RGS9: variants seen among roughly 807,000 people sequenced by gnomAD.
RGS9 encodes the protein regulator of G-protein signalling 9.
Under a neutral mutation model 102.0 loss-of-function variants are expected in RGS9, and 78 were observed. The ratio of observed to expected loss-of-function variants is 0.76; its 90% CI spans 0.64 to 0.92. RGS9 has a LOEUF of 0.92. Ranked by LOEUF, RGS9 falls within the 40% of genes least tolerant of loss-of-function variation. RGS9 has a pLI of 0.00. For missense variants in RGS9, 833 were observed against 866.1 expected, an observed-to-expected ratio of 0.96 and a Z score of 0.48; for synonymous variants, 353 against 318.6, an observed-to-expected ratio of 1.11 and a Z score of -1.15.
intron 2 of RGS9, among the ~76,000 whole-genome samples, chr17:65,157,721 C>T (rs2143986392): frequency 6.6e-6 from 1 of 152,184 alleles, no homozygotes; most frequent in African/African-American, 2.4e-5. Flanking sequence ...AGTACCTTCA[C>T]AATGTCATGG....
chr17:65,221,874 C>G (rs889577988), intron 17 of RGS9, among the ~76,000 whole-genome samples: 2 of 152,174 alleles, frequency 1.3e-5, no homozygotes, highest in Non-Finnish European at 2.9e-5. Context: ...AGGGCTCTGC[C>G]CTCATGACTA....
At chr17:65,174,714 G>A (rs554739504) in intron 8 of RGS9, among the ~76,000 whole-genome samples, 1 of 152,212 alleles carries the variant, frequency 6.6e-6, no homozygotes, top group African/African-American at 2.4e-5. Flanking sequence ...GCATGTTTTT[G>A]TGTATTCATT....
intron 17 of RGS9, among the ~76,000 whole-genome samples, chr17:65,224,334 C>T (rs887418891): frequency 4.6e-5 from 7 of 152,208 alleles, no homozygotes; most frequent in African/African-American, 1.7e-4. Context: ...CACCTCCTCG[C>T]CATGTATTCC....
chr17:65,167,201 AT>A (rs1163137402), intron 7 of RGS9, among the ~76,000 whole-genome samples: 2 of 152,000 alleles, frequency 1.3e-5, no homozygotes, highest in Non-Finnish European at 2.9e-5. Flanking sequence ...GCCCTTTTTT[AT>A]TTATTTATTT....
chr17:65,209,537 C>T (rs184594282), intron 16 of RGS9, among the ~76,000 whole-genome samples: 4 of 152,334 alleles, frequency 2.6e-5, no homozygotes, highest in East Asian at 3.9e-4. Context: ...GCTCACTGCC[C>T]ACTACATCAC....
At chr17:65,219,226 C>T (rs900794198) in intron 17 of RGS9, among the ~76,000 whole-genome samples, 6 of 152,228 alleles carry the variant, frequency 3.9e-5, no homozygotes, top group Admixed American at 2.0e-4. Context: ...GCACCTCCCT[C>T]TCCCCAACAT....
rs761349247 is a variant in RGS9 at position 65,193,588 on chromosome 17, G to A, written c.792G>A (p.Met264Ile). ...SEQFSSNDAIMSGCLPSNPWI... is the reference protein window; with the variant it reads ...SEQFSSNDAIISGCLPSNPWI... ...AGTTCTCATCCAACGATGCCATCATGTCAGGCTGCCTCCCCAGCAACCCCT... is the reference window on the plus strand; with the variant it reads ...AGTTCTCATCCAACGATGCCATCATATCAGGCTGCCTCCCCAGCAACCCCT... Residue 264 changes from methionine to isoleucine, a missense_variant, in exon 12 of 19, where the codon ATG (methionine) becomes ATA (isoleucine). Met to Ile is a conservative substitution (Grantham distance 10). Around this residue, in one of 3 missense-constraint regions of RGS9, gnomAD observed 328 missense variants for 340.6 expected, o/e 0.96. Transcript: ENST00000262406. 1.2e-6 allele frequency: 2 copies of A among 1,614,086 alleles called. No individual in the cohort carries two copies. Among genetic ancestry groups the A allele is most frequent in the Non-Finnish European group, 1.7e-6 (2 of 1,179,932 alleles).
chr17:65,227,664 C>T lies in RGS9; in HGVS notation c.*257C>T, dbSNP rs1179414012. The T allele has an allele frequency of 3.8e-6, 2 of 533,238 alleles. No individual in the cohort carries two copies. Among genetic ancestry groups the T allele is most frequent in the African/African-American group, 1.9e-5 (1 of 52,514 alleles). 33.0% of individuals were successfully genotyped at this position (533,238 alleles called of 1,614,324 possible). A position where few individuals can be genotyped will look rare whatever the true frequency, so the allele number is the denominator to read the frequency against. On this transcript the variant is annotated 3_prime_UTR_variant, in exon 19 of 19. Coordinates refer to ENST00000262406, the MANE Select transcript of RGS9 (RefSeq NM_003835.4). ...GTGGACCAGAAGACTTTCCCTGCTG[C>T]CTTAAAACCAATAAAAGGTTAACTT...
At chr17:65,212,343 A>T (rs1913336849) in intron 17 of RGS9, among the ~76,000 whole-genome samples, 1 of 152,250 alleles carries the variant, frequency 6.6e-6, no homozygotes, top group Admixed American at 6.5e-5. Flanking sequence ...ATGCCTGCCC[A>T]AGGATTATAA....
At position 65,163,063 on chromosome 17, in the gene RGS9, C is replaced by A. The variant is rs748026643; in HGVS notation, c.474C>A (p.Val158=). ...AAATGAACTATAAGTGGGACTTTGT[C>A]ATTATGCAGGCCAAAGAGCAGTACA... is the stretch of plus-strand genomic sequence containing the variant. ...NQKMNYKWDF[V]IMQAKEQYRA... The change falls in exon 7 of 19, where the codon GTC becomes GTA. Residue 158 remains valine (V), a synonymous_variant. Transcript: ENST00000262406. The A allele has an allele frequency of 5.6e-6, 9 of 1,604,984 alleles. No individual in the cohort carries two copies. The highest frequency in any genetic ancestry group is 7.7e-6 in the Non-Finnish European group (9 of 1,172,636).
chr17:65,170,595 G>C (rs1911377360), intron 8 of RGS9, among the ~76,000 whole-genome samples: 1 of 152,158 alleles, frequency 6.6e-6, no homozygotes, highest in Admixed American at 6.5e-5. Flanking sequence ...GTACAGTTCA[G>C]TCCTTTGGTA....
At chr17:65,221,724 G>C (rs992431929) in intron 17 of RGS9, among the ~76,000 whole-genome samples, 1 of 152,196 alleles carries the variant, frequency 6.6e-6, no homozygotes, top group African/African-American at 2.4e-5. Flanking sequence ...GTCCACGATG[G>C]AGGCCCCAAC....
Position 65,191,950 on chromosome 17 carries a change from C to T in RGS9, c.747-1593C>T, listed in dbSNP as rs59911976. Among the ~76,000 whole-genome samples the T allele has an allele frequency of 4.3e-3, 659 of 152,292 alleles. 3 individuals are homozygous for T. The highest frequency in any genetic ancestry group is 0.015 in the African/African-American group (620 of 41,548). ...TCAGGGCAGGTGCATTTCACATTCA[C>T]TGTGGACACAATTCCCCACCTACGG... On this transcript the variant is annotated intron_variant, in intron 11 of 18. Coordinates refer to ENST00000262406, the MANE Select transcript of RGS9 (RefSeq NM_003835.4).
chr17:65,208,153 C>A, intron 16 of RGS9, 146 bp downstream of exon 16: 1 of 660,954 alleles, frequency 1.5e-6, no homozygotes. Context: ...GAATGAGTGC[C>A]TCATTTGCTT....
At chr17:65,198,320 A>T (rs986947104) in intron 13 of RGS9, among the ~76,000 whole-genome samples, 2 of 151,082 alleles carry the variant, frequency 1.3e-5, no homozygotes, top group African/African-American at 4.9e-5. Context: ...CAGTGGCATG[A>T]TCTCAGCTCA....
rs979626685 is a variant in RGS9 at position 65,198,782 on chromosome 17, G to A, written c.976+1541G>A. Among the ~76,000 whole-genome samples, 9 of 152,344 alleles carry A rather than the reference G, an allele frequency of 5.9e-5. No homozygotes were observed. The South Asian group carries it at 1.2e-3, about 21-fold the overall frequency. ...TTGTCTGTGGCACTGCTCCAGAAAC[G>A]AATCCTACTGGACATGCCTTTAGCC... On this transcript the variant is annotated intron_variant, in intron 13 of 18. Coordinates refer to ENST00000262406, the MANE Select transcript of RGS9 (RefSeq NM_003835.4).
At chr17:65,227,198 A>G in intron 18 of RGS9, 77 bp from the exon 19 acceptor site, 1 of 1,596,344 alleles carries the variant, frequency 6.3e-7, no homozygotes, top group Non-Finnish European at 8.6e-7. Flanking sequence ...ATCTTCAAGG[A>G]TGTCAGGATG....
rs375940429 is a variant in RGS9 at position 65,184,743 on chromosome 17, TTTTCC to T, written c.655-4527_655-4523del. 6.4e-3 allele frequency among the ~76,000 whole-genome samples: 969 copies of T among 151,952 alleles called. 9 individuals are homozygous for T. The highest frequency in any genetic ancestry group is 0.022 in the African/African-American group (905 of 41,356). The stretch of plus-strand genomic sequence containing the variant: ...TCCCTCCTCTCTCTTTTCTTTTTTC[TTTTCC>T]TTTCCTTTCCTTTCCCTTTCATTCT... On this transcript the variant is annotated intron_variant, in intron 9 of 18. Transcript: ENST00000262406.
chr17:65,198,278 T>C (rs1031175042), intron 13 of RGS9, among the ~76,000 whole-genome samples: 2 of 151,150 alleles, frequency 1.3e-5, no homozygotes, highest in African/African-American at 4.9e-5. Flanking sequence ...TTTTTTGATA[T>C]GGAGTCTCGC....
Sources: gnomAD v4.1 joint callset for allele counts (sites outside exome capture counted in the v4.1 genomes callset) on GRCh38, gnomAD v4.1.1 for gene constraint, gnomAD v4.1.1 regional missense constraint, MANE v1.5 for transcripts, NCBI Gene and HGNC (gene_info 2026-07-23, HGNC 2026-07-21) for gene names.